The following IL4R variants were observed in gnomAD, a reference collection of about 807,000 sequenced individuals.
IL4R encodes the protein interleukin-4 receptor subunit alpha.
In IL4R, 17 loss-of-function variants were observed where a neutral mutation model predicts 41.5. The observed-to-expected ratio is 0.41, with a 90% CI of 0.28 to 0.61. The LOEUF is 0.61. Among genes scored for constraint, IL4R ranks in the 20% least tolerant of loss-of-function variants. The pLI, the probability that IL4R is intolerant of heterozygous loss-of-function variation, is 0.31. For missense variants in IL4R, 974 were observed against 1,043.1 expected (o/e 0.93, Z 0.91); for synonymous variants, 402 against 422.9 (o/e 0.95, Z 0.61).
chr16:27,329,300 G>A (rs796734698), intron 1 of IL4R, among the ~76,000 whole-genome samples: 9 of 152,156 alleles, frequency 5.9e-5, no homozygotes, highest in African/African-American at 2.2e-4. Flanking sequence ...TCTTTTCTTT[G>A]TAAATTACTC....
intron 6 of IL4R, among the ~76,000 whole-genome samples, chr16:27,351,434 A>T (rs946449424): frequency 1.3e-5 from 2 of 151,638 alleles, no homozygotes; most frequent in Non-Finnish European, 2.9e-5. Context: ...TGACACAAAG[A>T]TGTGATTCAA....
In IL4R at chr16:27,345,085, G is replaced by T; in HGVS notation, c.361+65G>T. On this transcript the variant is annotated intron_variant, in intron 5 of 10. Coordinates refer to ENST00000395762, the MANE Select transcript of IL4R (RefSeq NM_000418.4). The surrounding 1 kb of genome is among the most constrained non-coding windows in gnomAD (Gnocchi z 4.5). ...TCCCACAGCTGCCTGGGCTGAGGGT[G>T]GGGTGGGCAGGGGAGGAGGTGGGGT... The T allele has an allele frequency of 8.7e-7, 1 of 1,143,684 alleles. No homozygotes were observed. Among genetic ancestry groups the T allele is most frequent in the South Asian group, 1.2e-5 (1 of 81,616 alleles). The allele number at this position is 1,143,684 out of a possible 1,614,324, so 70.8% of individuals were successfully genotyped here.
intron 2 of IL4R, among the ~76,000 whole-genome samples, chr16:27,334,898 T>C (rs1328036033): frequency 6.6e-6 from 1 of 152,118 alleles, no homozygotes; most frequent in African/African-American, 2.4e-5. Context: ...AAACAGTTAC[T>C]GAACACGTCC....
At position 27,363,188 on chromosome 16, in the gene IL4R, C is replaced by T. The variant is rs1272023543; in HGVS notation, c.1836C>T (p.Ser612=). The T allele has an allele frequency of 1.2e-6, 2 of 1,610,858 alleles. No homozygotes were observed. The highest frequency in any genetic ancestry group is 1.7e-6 in the Non-Finnish European group (2 of 1,178,244). Residue 612 remains serine, a synonymous_variant, in exon 11 of 11, where the codon AGC becomes AGT. Transcript: ENST00000395762. ...GYKAFSSLLA[S]SAVSPEKCGF... ...AGGCCTTCTCAAGCCTGCTTGCCAG[C>T]AGTGCTGTGTCCCCAGAGAAATGTG... is the stretch of plus-strand genomic sequence containing the variant.
At chr16:27,327,783 C>T (rs1225046079) in intron 1 of IL4R, among the ~76,000 whole-genome samples, 3 of 152,110 alleles carry the variant, frequency 2.0e-5, no homozygotes, top group African/African-American at 7.2e-5. Context: ...GTTAATGGCA[C>T]CTACCTCATA....
chr16:27,316,459 C>T (rs1425749411), intron 1 of IL4R, among the ~76,000 whole-genome samples: 1 of 152,208 alleles, frequency 6.6e-6, no homozygotes, highest in Non-Finnish European at 1.5e-5. Context: ...CCATCTGGGA[C>T]GATGGAGGAG....
chr16:27,344,861 G>C lies in IL4R; in HGVS notation c.210-8G>C. 3 of 1,614,036 alleles carry C rather than the reference G, an allele frequency of 1.9e-6. No homozygotes were observed. The highest frequency in any genetic ancestry group is 2.5e-6 in the Non-Finnish European group (3 of 1,179,964). ...GTGACCAGCCTAACCCAGCCCCTGT[G>C]TCTGCAGAGCCCACACGTGTATCCC... On this transcript the variant is annotated splice_polypyrimidine_tract_variant and splice_region_variant and intron_variant, in intron 4 of 10. Coordinates refer to ENST00000395762, the MANE Select transcript of IL4R (RefSeq NM_000418.4).
chr16:27,361,106 T>C (rs967319061), intron 10 of IL4R: 47 of 1,212,684 alleles, frequency 3.9e-5, no homozygotes, highest in Non-Finnish European at 4.7e-5. Context: ...CCTAATTGTA[T>C]ACTTGTCGGC....
rs541468767 is a variant in IL4R at position 27,363,601 on chromosome 16, A to G, written c.2249A>G (p.Asp750Gly). Reference protein sequence around the residue: ...ASPCCGCCCGDRSSPPTTPLR... With the variant: ...ASPCCGCCCGGRSSPPTTPLR... ...CCTTGCTGTGGCTGCTGCTGTGGAG[A>G]CAGGTCCTCGCCCCCTACAACCCCC... is the stretch of plus-strand genomic sequence containing the variant. The change falls in exon 11 of 11, where the codon GAC becomes GGC. Residue 750 changes from aspartate to glycine, a missense_variant. Asp to Gly is a moderately conservative substitution (Grantham distance 94). Transcript: ENST00000395762. The G allele has an allele frequency of 2.4e-5, 39 of 1,613,904 alleles. No individual in the cohort carries two copies. The East Asian group carries it at 8.0e-4, about 33-fold the overall frequency.
Position 27,344,850 on chromosome 16 carries a change from C to T in IL4R, c.210-19C>T, listed in dbSNP as rs1190992323. 1.2e-6 allele frequency: 2 copies of T among 1,613,518 alleles called. No individual in the cohort carries two copies. Among genetic ancestry groups the T allele is most frequent in the Non-Finnish European group, 1.7e-6 (2 of 1,179,706 alleles). On this transcript the variant is annotated intron_variant, in intron 4 of 10. Transcript: ENST00000395762. ...CCAGCCTACAGGTGACCAGCCTAAC[C>T]CAGCCCCTGTGTCTGCAGAGCCCAC...
At chr16:27,330,389 A>AC (rs2085079814) in intron 2 of IL4R, among the ~76,000 whole-genome samples, 191 bp downstream of exon 2, 1 of 150,692 alleles carries the variant, frequency 6.6e-6, no homozygotes, top group Non-Finnish European at 1.5e-5. Context: ...TCCATCTCAA[A>AC]AAAAAAAAAA....
chr16:27,327,848 C>T (rs2085002893), intron 1 of IL4R, among the ~76,000 whole-genome samples: 1 of 152,012 alleles, frequency 6.6e-6, no homozygotes, highest in African/African-American at 2.4e-5. Flanking sequence ...AGAACAGGGC[C>T]AGGCACAAAA....
intron 2 of IL4R, among the ~76,000 whole-genome samples, chr16:27,339,430 G>C (rs1219699497): frequency 6.6e-6 from 1 of 152,098 alleles, no homozygotes; most frequent in East Asian, 1.9e-4. Flanking sequence ...CTGTTGGAGG[G>C]CTCTGTCTGT....
Position 27,363,260 on chromosome 16 carries a change from C to G in IL4R, c.1908C>G (p.Asp636Glu). 1 of 1,602,300 alleles carries G rather than the reference C, an allele frequency of 6.2e-7. No homozygotes were observed. Among genetic ancestry groups the G allele is most frequent in the Non-Finnish European group, 8.5e-7 (1 of 1,173,456 alleles). The change falls in exon 11 of 11, where the codon GAC (aspartate) becomes GAG (glutamate). Residue 636 changes from aspartate (D) to glutamate (E), a missense_variant. Around this residue, in one of 3 missense-constraint regions of IL4R, gnomAD observed 682 missense variants for 704.3 expected, o/e 0.97. Transcript: ENST00000395762. ...SGEEGYKPFQ[D>E]LIPGCPGDPA... ...AAGAGGGGTATAAGCCTTTCCAAGA[C>G]CTCATTCCTGGCTGCCCTGGGGACC... is the stretch of plus-strand genomic sequence containing the variant.
At position 27,363,292 on chromosome 16, in the gene IL4R, C is replaced by T. The variant is rs1449051025; in HGVS notation, c.1940C>T (p.Pro647Leu). The change falls in exon 11 of 11, where the codon CCA becomes CTA. Residue 647 changes from proline (P) to leucine (L), a missense_variant. Coordinates refer to ENST00000395762, the MANE Select transcript of IL4R (RefSeq NM_000418.4). Reference sequence around the variant, plus strand: ...CCTGGCTGCCCTGGGGACCCTGCCCCAGTCCCTGTCCCCTTGTTCACCTTT... The same window carrying T: ...CCTGGCTGCCCTGGGGACCCTGCCCTAGTCCCTGTCCCCTTGTTCACCTTT... ...LIPGCPGDPA[P>L]VPVPLFTFGL... is the part of the protein sequence containing the mutation. 6.2e-6 allele frequency: 10 copies of T among 1,606,522 alleles called. No individual in the cohort carries two copies. The highest frequency in any genetic ancestry group is 8.5e-6 in the Non-Finnish European group (10 of 1,175,492).
At chr16:27,332,935 G>C (rs547936576) in intron 2 of IL4R, among the ~76,000 whole-genome samples, 1 of 151,698 alleles carries the variant, frequency 6.6e-6, no homozygotes, top group African/African-American at 2.4e-5. Flanking sequence ...TATGTTATTC[G>C]GAAGTGTGTT....
intron 2 of IL4R, among the ~76,000 whole-genome samples, chr16:27,337,984 TCTCA>T (rs1253862809): frequency 4.1e-5 from 6 of 145,338 alleles, no homozygotes; most frequent in African/African-American, 1.5e-4. Flanking sequence ...TGAGACAGAG[TCTCA>T]CTCTGTCACC....
At chr16:27,316,203 C>A (rs1037033729) in intron 1 of IL4R, among the ~76,000 whole-genome samples, 10 of 151,760 alleles carry the variant, frequency 6.6e-5, no homozygotes, top group Non-Finnish European at 1.2e-4. Context: ...CCTGTTCCTA[C>A]AAAAAAAATT....
intron 1 of IL4R, among the ~76,000 whole-genome samples, chr16:27,320,039 G>A (rs1000318052): frequency 6.6e-6 from 1 of 152,096 alleles, no homozygotes; most frequent in Non-Finnish European, 1.5e-5. Context: ...GCTAATTTTT[G>A]TATTTTTAGT....
Sources: gnomAD v4.1 joint callset for allele counts (sites outside exome capture counted in the v4.1 genomes callset) on GRCh38, gnomAD v4.1.1 for gene constraint, gnomAD v4.1.1 regional missense constraint, Gnocchi (gnomAD v3.1) non-coding constraint, MANE v1.5 for transcripts, NCBI Gene and HGNC (gene_info 2026-07-23, HGNC 2026-07-21) for gene names.